The following WWOX variants were observed in gnomAD, a reference collection of about 807,000 sequenced individuals.
The protein encoded by WWOX is WW domain-containing oxidoreductase.
Under a neutral mutation model 46.2 loss-of-function variants are expected in WWOX, and 69 were observed. The ratio of observed to expected loss-of-function variants is 1.49; its 90% CI spans 1.23 to 1.82. The LOEUF (loss-of-function observed/expected upper bound fraction) is 1.82, where lower values mean the gene tolerates loss of function less well. WWOX is among the 40% of genes most tolerant of loss of function. WWOX has a pLI of 0.00. For missense variants in WWOX, 919 were observed against 542.6 expected, an observed-to-expected ratio of 1.69 and a Z score of -6.89; for synonymous variants, 359 against 202.6, an observed-to-expected ratio of 1.77 and a Z score of -6.56.
chr16:78,195,163 C>G (rs1445978245), intron 5 of WWOX, among the ~76,000 whole-genome samples: 1 of 152,256 alleles, frequency 6.6e-6, no homozygotes. Flanking sequence ...CTGGAGAGCC[C>G]AGCCCTTCCA....
chr16:78,471,418 G>C (rs1005043984), intron 8 of WWOX, among the ~76,000 whole-genome samples: 1 of 152,176 alleles, frequency 6.6e-6, no homozygotes. Flanking sequence ...CTTCAAATGG[G>C]GAACAGTCCT....
intron 5 of WWOX, among the ~76,000 whole-genome samples, chr16:78,330,452 A>C (rs2080727837): frequency 6.6e-6 from 1 of 151,370 alleles, no homozygotes; most frequent in Non-Finnish European, 1.5e-5. Flanking sequence ...GCTATAGTGC[A>C]CTGGCGTGAT....
chr16:78,456,118 G>A (rs148923890), intron 8 of WWOX, among the ~76,000 whole-genome samples: 35 of 152,308 alleles, frequency 2.3e-4, no homozygotes, highest in Non-Finnish European at 4.4e-4. Flanking sequence ...CCCTTGCAAC[G>A]GACTGAAGTG....
rs181993524 is a variant in WWOX, at chr16:78,342,460, C to T, written c.517-44400C>T. 1.0e-4 allele frequency among the ~76,000 whole-genome samples: 12 copies of T among 120,202 alleles called. No individual in the cohort carries two copies. The East Asian group carries it at 1.9e-3, about 19-fold the overall frequency. 78.9% of individuals were successfully genotyped at this position (120,202 alleles called of 152,430 possible). On this transcript the variant is annotated intron_variant, in intron 5 of 8. Coordinates refer to ENST00000566780, the MANE Select transcript of WWOX (RefSeq NM_016373.4). ...AGGATGAAGCAGCATTTTTTATGGG[C>T]AGGTTTGCACGTGGCATTTGTTGCT... is the stretch of plus-strand genomic sequence containing the variant.
At chr16:78,122,750 G>A (rs527633414) in intron 4 of WWOX, among the ~76,000 whole-genome samples, 109 of 151,976 alleles carry the variant, frequency 7.2e-4, no homozygotes, top group African/African-American at 2.4e-3. Context: ...GATTACAGGC[G>A]TGAGCCACTA....
chr16:78,799,630 C>CT (rs2050832951), intron 8 of WWOX, among the ~76,000 whole-genome samples: 1 of 151,922 alleles, frequency 6.6e-6, no homozygotes, highest in Middle Eastern at 3.4e-3. Flanking sequence ...GGACGGCCCC[C>CT]TGAACCTTGG....
chr16:78,998,395 G>A (rs1390568573), intron 8 of WWOX, among the ~76,000 whole-genome samples: 1 of 152,134 alleles, frequency 6.6e-6, no homozygotes, highest in African/African-American at 2.4e-5. Context: ...AGAGCCTACT[G>A]CCTTCACAGA....
At chr16:78,815,278 T>C (rs537931059) in intron 8 of WWOX, among the ~76,000 whole-genome samples, 19 of 151,950 alleles carry the variant, frequency 1.3e-4, no homozygotes, top group Admixed American at 4.6e-4. Context: ...TGAGCCAAGA[T>C]TGTGCCACTG....
chr16:79,086,749 G>A (rs2048861072), intron 8 of WWOX, among the ~76,000 whole-genome samples: 2 of 152,196 alleles, frequency 1.3e-5, no homozygotes, highest in Admixed American at 6.5e-5. Context: ...CAGGCATGGT[G>A]CTGCATGCCT....
chr16:78,977,729 C>A (rs2046601413), intron 8 of WWOX, among the ~76,000 whole-genome samples: 1 of 152,182 alleles, frequency 6.6e-6, no homozygotes, highest in Admixed American at 6.5e-5. Flanking sequence ...GCAGGGGGTG[C>A]CTGCAAGTCT....
intron 5 of WWOX, among the ~76,000 whole-genome samples, chr16:78,378,226 A>G (rs774571313): frequency 2.0e-5 from 3 of 152,048 alleles, no homozygotes; most frequent in Non-Finnish European, 4.4e-5. Context: ...TTTGTTTATT[A>G]AAAGCAAAGT....
chr16:78,754,286 CAGTG>C (rs1251099896), intron 8 of WWOX, among the ~76,000 whole-genome samples: 2 of 152,008 alleles, frequency 1.3e-5, no homozygotes, highest in Non-Finnish European at 2.9e-5. Context: ...GATGAGCAAT[CAGTG>C]AGTTTCAGGA....
intron 8 of WWOX, among the ~76,000 whole-genome samples, chr16:78,522,451 C>T (rs75434526): frequency 2.0e-5 from 3 of 152,262 alleles, no homozygotes; most frequent in African/African-American, 4.8e-5. Context: ...ATCCTGCTCT[C>T]GGGCTCTGCC....
At chr16:78,594,949 A>C (rs902744294) in intron 8 of WWOX, among the ~76,000 whole-genome samples, 1 of 152,230 alleles carries the variant, frequency 6.6e-6, no homozygotes, top group Admixed American at 6.5e-5. Flanking sequence ...TCAGGAAAGC[A>C]GTGATTTCCT....
At chr16:78,788,440 A>G (rs766352675) in intron 8 of WWOX, among the ~76,000 whole-genome samples, 27 of 152,158 alleles carry the variant, frequency 1.8e-4, no homozygotes, top group Non-Finnish European at 3.8e-4. Flanking sequence ...GACCCTCCCC[A>G]GAGAGTCAGT....
intron 6 of WWOX, among the ~76,000 whole-genome samples, chr16:78,413,698 C>T (rs917602269): frequency 6.6e-6 from 1 of 151,866 alleles, no homozygotes; most frequent in African/African-American, 2.4e-5. Context: ...GCTCAGAGGC[C>T]TGACACTGAT....
chr16:78,486,404 A>G (rs1028113985), intron 8 of WWOX, among the ~76,000 whole-genome samples: 19 of 152,204 alleles, frequency 1.2e-4, no homozygotes, highest in Middle Eastern at 3.2e-3. Context: ...CCTTTTTAAT[A>G]TAGCTTATTG....
chr16:78,702,558 G>T (rs2048247008), intron 8 of WWOX, among the ~76,000 whole-genome samples: 1 of 151,958 alleles, frequency 6.6e-6, no homozygotes, highest in South Asian at 2.1e-4. Context: ...GGGAGGCTGA[G>T]GCAGGAGAAT....
At chr16:78,126,495 C>A (rs1406442523) in intron 4 of WWOX, among the ~76,000 whole-genome samples, 3 of 152,028 alleles carry the variant, frequency 2.0e-5, no homozygotes, top group Non-Finnish European at 4.4e-5. Context: ...AACGAATTGC[C>A]CTTTCATCTT....
Sources: allele counts gnomAD v4.1 joint callset (sites outside exome capture counted in the v4.1 genomes callset), GRCh38; gene constraint gnomAD v4.1.1; transcripts MANE v1.5; gene names NCBI Gene and HGNC (gene_info 2026-07-23, HGNC 2026-07-21).